The following CHD6 variants were observed in gnomAD, a reference collection of about 807,000 sequenced individuals.
The protein encoded by CHD6 is chromodomain helicase DNA binding protein 6, also known as ATP-dependent chromatin remodeler CHD6.
A neutral mutation model predicts 276.9 loss-of-function variants in CHD6; 50 were observed. The ratio of observed to expected loss-of-function variants is 0.18; its 90% CI spans 0.14 to 0.23. The LOEUF is 0.23. Among genes scored for constraint, CHD6 ranks in the 10% least tolerant of loss-of-function variants. CHD6 has a pLI of 1.00. For missense variants in CHD6, 2,564 were observed against 3,365.8 expected, an observed-to-expected ratio of 0.76 and a Z score of 5.89; for synonymous variants, 1,173 against 1,229.3, an observed-to-expected ratio of 0.95 and a Z score of 0.96.
chr20:41,425,097 C>T (rs1038439015), intron 29 of CHD6, 81 bp downstream of exon 29: 7 of 1,056,440 alleles, frequency 6.6e-6, no homozygotes, highest in Non-Finnish European at 1.0e-5. Context: ...AATATACTCG[C>T]CCTCCAAGCT....
At chr20:41,448,529 G>T (rs2048138475) in intron 23 of CHD6, among the ~76,000 whole-genome samples, 1 of 152,188 alleles carries the variant, frequency 6.6e-6, no homozygotes, top group Admixed American at 6.5e-5. Context: ...AGTATTTGCT[G>T]GGCAACTACT....
chr20:41,463,931 G>C (rs958792119), intron 17 of CHD6, among the ~76,000 whole-genome samples: 1 of 152,156 alleles, frequency 6.6e-6, no homozygotes. Context: ...GGACAAGGGG[G>C]TACAATGCCT....
At position 41,420,946 on chromosome 20, in the gene CHD6, T is replaced by G; in HGVS notation, c.5689A>C (p.Thr1897Pro). 7.4e-6 allele frequency: 12 copies of G among 1,614,216 alleles called. No homozygotes were observed. Among genetic ancestry groups the G allele is most frequent in the Non-Finnish European group, 1.0e-5 (12 of 1,180,032 alleles). ...RPEVLHLTEP[T>P]TNISREKNQG... is the part of the protein sequence containing the mutation. ...TTCTTTTCCCTTGAGATGTTAGTAG[T>G]GGGCTCCGTGAGATGCAATACCTCT... is the stretch of plus-strand genomic sequence containing the variant. Residue 1897 changes from threonine to proline, a missense_variant, in exon 31 of 37, where the codon ACT (threonine) becomes CCT (proline). By Grantham distance (38) the Thr-to-Pro change is conservative. Transcript: ENST00000373233.
At chr20:41,572,003 T>C (rs923014033) in intron 1 of CHD6, among the ~76,000 whole-genome samples, 1 of 152,228 alleles carries the variant, frequency 6.6e-6, no homozygotes, top group African/African-American at 2.4e-5. Context: ...TCCTGTGCCT[T>C]ATAAAAGTGG....
intron 8 of CHD6, among the ~76,000 whole-genome samples, chr20:41,495,636 GA>G (rs1409464104): frequency 2.0e-5 from 3 of 151,768 alleles, no homozygotes; most frequent in African/African-American, 7.3e-5. Flanking sequence ...AAAAAAGAAA[GA>G]AAAAAAACCC....
At chr20:41,515,670 C>T (rs1459442113) in intron 3 of CHD6, among the ~76,000 whole-genome samples, 1 of 152,206 alleles carries the variant, frequency 6.6e-6, no homozygotes, top group African/African-American at 2.4e-5. Context: ...TTGTTAACTA[C>T]AATATGAGGC....
Position 41,429,476 on chromosome 20 carries a change from G to A in CHD6, c.4069-3323C>T, listed in dbSNP as rs375386694. ...TCTAACATTCTATGACTCTCTGAAC[G>A]CCACATTTTAAGAGGACAACAACCA... On this transcript the variant is annotated intron_variant, in intron 27 of 36. Transcript: ENST00000373233. 1.3e-3 allele frequency among the ~76,000 whole-genome samples: 205 copies of A among 152,244 alleles called. 2 individuals carry two copies. Among genetic ancestry groups the A allele is most frequent in the African/African-American group, 4.7e-3 (196 of 41,546 alleles).
chr20:41,493,485 T>A, intron 10 of CHD6, 53 bp downstream of exon 10: 1 of 1,573,840 alleles, frequency 6.4e-7, no homozygotes, highest in Non-Finnish European at 8.7e-7. Flanking sequence ...GATTGCAAAG[T>A]TCATAAAATT....
intron 1 of CHD6, among the ~76,000 whole-genome samples, chr20:41,573,121 G>A (rs891362091): frequency 1.1e-4 from 17 of 152,110 alleles, no homozygotes; most frequent in African/African-American, 4.1e-4. Context: ...ATGTTAGCCA[G>A]GATGGTCTCG....
intron 3 of CHD6, among the ~76,000 whole-genome samples, chr20:41,524,879 T>C (rs2044490188): frequency 6.6e-6 from 1 of 152,250 alleles, no homozygotes. Flanking sequence ...AACCTCAATC[T>C]GAGGATGCTA....
At chr20:41,496,754 C>G (rs1021095253) in intron 8 of CHD6, 1 of 152,262 alleles carries the variant, frequency 6.6e-6, no homozygotes, top group Admixed American at 6.5e-5. Context: ...CCTCTATTCT[C>G]GGCCAAGGAA....
At chr20:41,540,259 T>C (rs1360673935) in intron 2 of CHD6, among the ~76,000 whole-genome samples, 5 of 152,208 alleles carry the variant, frequency 3.3e-5, no homozygotes, top group Admixed American at 3.3e-4. Context: ...TATAGAATTG[T>C]ACATGTAAAC....
rs760418680 is a variant in CHD6 at position 41,484,514 on chromosome 20, T to C, written c.2095A>G (p.Ile699Val). The change falls in exon 15 of 37, where the codon ATT (isoleucine) becomes GTT (valine). Residue 699 changes from isoleucine to valine, a missense_variant. Physicochemically the swap from Ile to Val is conservative, Grantham distance 29. Coordinates refer to ENST00000373233, the MANE Select transcript of CHD6 (RefSeq NM_032221.5). Reference sequence around the variant, plus strand: ...TGGATATTGGTCAGTTCCACCTCAATGATCGTCTCTTGTTTGGGAGCAAGG... The same window carrying C: ...TGGATATTGGTCAGTTCCACCTCAACGATCGTCTCTTGTTTGGGAGCAAGG... ...KNLAPKQETI[I>V]EVELTNIQKK... 5.0e-6 allele frequency: 8 copies of C among 1,613,852 alleles called. No homozygotes were observed. The South Asian group carries it at 5.5e-5, about 11-fold the overall frequency.
At chr20:41,614,722 A>G (rs1199050372) in intron 1 of CHD6, 1 of 152,350 alleles carries the variant, frequency 6.6e-6, no homozygotes, top group African/African-American at 2.4e-5. Context: ...CAGGACTTTT[A>G]TGGAAGTAAC....
chr20:41,501,686 G>A (rs550006490), intron 5 of CHD6, among the ~76,000 whole-genome samples: 1 of 152,126 alleles, frequency 6.6e-6, no homozygotes, highest in Non-Finnish European at 1.5e-5. Context: ...ACTGGGTTAT[G>A]GGGTAGGTAG....
At chr20:41,466,124 C>T (rs2042913925) in intron 17 of CHD6, among the ~76,000 whole-genome samples, 1 of 152,190 alleles carries the variant, frequency 6.6e-6, no homozygotes, top group Non-Finnish European at 1.5e-5. Flanking sequence ...ATTGCTTGAA[C>T]CCAGGAGGTG....
chr20:41,413,392 T>C lies in CHD6; in HGVS notation c.7063A>G (p.Ser2355Gly). The C allele has an allele frequency of 6.2e-7, 1 of 1,612,142 alleles. No homozygotes were observed. The highest frequency in any genetic ancestry group is 8.5e-7 in the Non-Finnish European group (1 of 1,179,984). The change falls in exon 35 of 37, where the codon AGC (serine) becomes GGC (glycine). Residue 2355 changes from serine (S) to glycine (G), a missense_variant. This residue lies in a region of CHD6 where 1,024 missense variants were observed against 1,047.9 expected (regional missense o/e 0.98). Transcript: ENST00000373233. ...ASSQAEKSIP[S>G]KSLLDWLRQQ... Reference sequence around the variant, plus strand: ...CTTAGCCAGTCAAGCAGACTCTTGCTGGGAATGGATTTCTCGGCTTGGCTG... The same window carrying C: ...CTTAGCCAGTCAAGCAGACTCTTGCCGGGAATGGATTTCTCGGCTTGGCTG...
In CHD6 at chr20:41,421,015, C is replaced by T. The variant is rs760741699; in HGVS notation, c.5620G>A (p.Glu1874Lys). 1.9e-5 allele frequency: 31 copies of T among 1,613,240 alleles called. No homozygotes were observed. The highest frequency in any genetic ancestry group is 2.4e-5 in the Non-Finnish European group (28 of 1,179,628). The part of the protein sequence containing the change: ...SDEEEEEEEN[E>K]EENLAMAVGM... ...ACTGCCATGGCTAAGTTTTCCTCCT[C>T]GTTTTCCTCCTCTTCTTCCTCCTCA... Residue 1874 changes from glutamate (E) to lysine (K), a missense_variant, in exon 31 of 37, where the codon GAG becomes AAG. By Grantham distance (56) the Glu-to-Lys change is moderately conservative. This residue lies in a region of CHD6 where 1,024 missense variants were observed against 1,047.9 expected (regional missense o/e 0.98). Transcript: ENST00000373233.
chr20:41,469,120 C>A (rs897072739), intron 17 of CHD6, among the ~76,000 whole-genome samples: 1 of 152,112 alleles, frequency 6.6e-6, no homozygotes. Context: ...CTGCTTCTGG[C>A]GATTGTGGAA....
Sources: gnomAD v4.1 joint callset for allele counts (sites outside exome capture counted in the v4.1 genomes callset) on GRCh38, gnomAD v4.1.1 for gene constraint, gnomAD v4.1.1 regional missense constraint, MANE v1.5 for transcripts, NCBI Gene and HGNC (gene_info 2026-07-23, HGNC 2026-07-21) for gene names.